Variants in PAPPA2 observed in about 807,000 individuals in gnomAD.
PAPPA2 encodes pappalysin 2, also known as pappalysin-2.
In PAPPA2, 86 loss-of-function variants were observed where a neutral mutation model predicts 176.4. The ratio of observed to expected loss-of-function variants is 0.49; its 90% CI spans 0.41 to 0.58. The LOEUF is 0.58. Among genes scored for constraint, PAPPA2 ranks in the 20% least tolerant of loss-of-function variants. The probability of loss-of-function intolerance (pLI) is 0.00; values close to 1 mark genes in which losing one functional copy is unlikely to be tolerated. For missense variants in PAPPA2, 2,073 were observed against 2,256.9 expected, an observed-to-expected ratio of 0.92 and a Z score of 1.65; for synonymous variants, 809 against 852.2, an observed-to-expected ratio of 0.95 and a Z score of 0.88.
intron 4 of PAPPA2, among the ~76,000 whole-genome samples, chr1:176,679,094 G>C (rs1484326990): frequency 6.6e-6 from 1 of 151,986 alleles, no homozygotes; most frequent in Admixed American, 6.6e-5. Context: ...AGATAGGTTG[G>C]AAACTCCTGC....
intron 21 of PAPPA2, among the ~76,000 whole-genome samples, chr1:176,833,212 A>G (rs1209233148): frequency 1.3e-5 from 2 of 152,188 alleles, no homozygotes; most frequent in Admixed American, 1.3e-4. Flanking sequence ...AACACAGAAG[A>G]TCCTTAACGT....
chr1:176,483,627 C>T (rs368064618), intron 1 of PAPPA2, among the ~76,000 whole-genome samples: 8 of 152,072 alleles, frequency 5.3e-5, no homozygotes, highest in East Asian at 1.9e-4. Flanking sequence ...CCTGCCACCA[C>T]GCCCAGCTAA....
intron 21 of PAPPA2, among the ~76,000 whole-genome samples, chr1:176,809,258 C>G (rs1018814643): frequency 2.0e-5 from 3 of 152,182 alleles, no homozygotes; most frequent in African/African-American, 7.2e-5. Context: ...TCATTATCAT[C>G]TGACTACTAC....
chr1:176,700,126 C>T (rs1462049442), intron 8 of PAPPA2, among the ~76,000 whole-genome samples: 1 of 152,206 alleles, frequency 6.6e-6, no homozygotes, highest in Non-Finnish European at 1.5e-5. Flanking sequence ...TTTTATCTTT[C>T]TCTTCCAGCT....
At chr1:176,744,693 G>A (rs939871706) in intron 14 of PAPPA2, among the ~76,000 whole-genome samples, 3 of 152,180 alleles carry the variant, frequency 2.0e-5, no homozygotes, top group African/African-American at 7.2e-5. Context: ...GCCAGGAAAT[G>A]AAGAAAGAAT....
At chr1:176,636,294 G>A (rs1026888576) in intron 3 of PAPPA2, among the ~76,000 whole-genome samples, 9 of 152,104 alleles carry the variant, frequency 5.9e-5, no homozygotes, top group Non-Finnish European at 1.2e-4. Flanking sequence ...AGAGACTGAG[G>A]CTTGAGAGTC....
intron 3 of PAPPA2, among the ~76,000 whole-genome samples, chr1:176,635,413 T>C (rs1656637875): frequency 6.6e-6 from 1 of 152,206 alleles, no homozygotes; most frequent in African/African-American, 2.4e-5. Context: ...TTGCCCTATA[T>C]CTACCCTCAA....
At chr1:176,746,769 C>G (rs1300957367) in intron 14 of PAPPA2, among the ~76,000 whole-genome samples, 3 of 152,094 alleles carry the variant, frequency 2.0e-5, no homozygotes, top group African/African-American at 7.2e-5. Context: ...TGAACTATAA[C>G]TTATCAAAGC....
rs192417058 is a variant in PAPPA2, at chr1:176,817,357, G to C, written c.5202+17225G>C. On this transcript the variant is annotated intron_variant, in intron 21 of 22. Transcript: ENST00000367662. ...AAAACTGGAGTCTGCAGAGAGTCTTGGGCCAGATTAGGAAGAGTGTTGAAT... is the reference window on the plus strand; with the variant it reads ...AAAACTGGAGTCTGCAGAGAGTCTTCGGCCAGATTAGGAAGAGTGTTGAAT... 2.7e-3 allele frequency among the ~76,000 whole-genome samples: 415 copies of C among 152,220 alleles called. 11 individuals are homozygous for C. The highest frequency in any genetic ancestry group is 1.9e-3 in the East Asian group (10 of 5,180).
chr1:176,552,354 C>G (rs553311938), intron 1 of PAPPA2, among the ~76,000 whole-genome samples: 3 of 149,898 alleles, frequency 2.0e-5, no homozygotes, highest in South Asian at 2.2e-4. Flanking sequence ...TGCTCCCTTC[C>G]CCTTTCCCTC....
intron 2 of PAPPA2, among the ~76,000 whole-genome samples, chr1:176,564,827 T>C (rs554444950): frequency 5.2e-4 from 79 of 152,020 alleles, no homozygotes; most frequent in Non-Finnish European, 7.6e-4. Flanking sequence ...TACAGACTTA[T>C]CTCAACCTAT....
intron 1 of PAPPA2, among the ~76,000 whole-genome samples, chr1:176,530,381 G>C (rs1193520112): frequency 6.6e-6 from 1 of 152,122 alleles, no homozygotes; most frequent in Non-Finnish European, 1.5e-5. Flanking sequence ...CAATGGGACA[G>C]GAACAGTGAG....
At chr1:176,623,025 G>T (rs1655681925) in intron 3 of PAPPA2, among the ~76,000 whole-genome samples, 1 of 152,046 alleles carries the variant, frequency 6.6e-6, no homozygotes, top group Non-Finnish European at 1.5e-5. Context: ...CATAAGGGTG[G>T]TGCCCTCATG....
chr1:176,710,018 G>A lies in PAPPA2; in HGVS notation c.3493G>A (p.Gly1165Ser). Residue 1165 changes from glycine to serine, a missense_variant, in exon 11 of 23, where the codon GGC (glycine) becomes AGC (serine). By Grantham distance (56) the Gly-to-Ser change is moderately conservative. Coordinates refer to ENST00000367662, the MANE Select transcript of PAPPA2 (RefSeq NM_020318.3). ...PSLCYMYEGD[G>S]ICEPFERKTS... ...CCTTTGCTACATGTATGAGGGAGAT[G>A]GCATATGTGAACCTTTTGAGAGAAA... The A allele has an allele frequency of 6.2e-7, 1 of 1,612,110 alleles. No individual in the cohort carries two copies.
chr1:176,512,563 A>T lies in PAPPA2; in HGVS notation c.-916-42844A>T, dbSNP rs145412175. ...CAAGAACAGATACATCTAATTTATA[A>T]CAACATAAAGCAGATCATTGGCCGT... is the stretch of plus-strand genomic sequence containing the variant. On this transcript the variant is annotated intron_variant, in intron 1 of 22. Coordinates refer to ENST00000367662, the MANE Select transcript of PAPPA2 (RefSeq NM_020318.3). 9.7e-4 allele frequency among the ~76,000 whole-genome samples: 148 copies of T among 152,330 alleles called. 2 individuals carry two copies. In the East Asian group the frequency reaches 0.028, roughly 29 times the overall value.
At chr1:176,701,416 T>C (rs549626145) in intron 8 of PAPPA2, among the ~76,000 whole-genome samples, 1 of 152,326 alleles carries the variant, frequency 6.6e-6, no homozygotes, top group African/African-American at 2.4e-5. Context: ...ACTGTCAGCA[T>C]TGATTAGGAT....
chr1:176,586,419 C>A (rs116065593), intron 2 of PAPPA2, among the ~76,000 whole-genome samples: 2,177 of 152,090 alleles, frequency 0.014, 20 homozygotes, highest in Middle Eastern at 0.024. Flanking sequence ...CACCTATTGA[C>A]CCATCCTCTA....
At chr1:176,566,396 C>G (rs184276583) in intron 2 of PAPPA2, among the ~76,000 whole-genome samples, 9 of 152,306 alleles carry the variant, frequency 5.9e-5, no homozygotes, top group Admixed American at 3.3e-4. Flanking sequence ...CCTTTCCTCT[C>G]CTCATTCCCC....
At chr1:176,840,147 G>C (rs1484596892) in intron 21 of PAPPA2, 26 bp from the exon 22 acceptor site, 2 of 1,550,828 alleles carry the variant, frequency 1.3e-6, no homozygotes, top group South Asian at 1.1e-5. Context: ...GCTATACTGA[G>C]ATGTTGCCTT....
Sources: gnomAD v4.1 joint callset for allele counts (sites outside exome capture counted in the v4.1 genomes callset) on GRCh38, gnomAD v4.1.1 for gene constraint, MANE v1.5 for transcripts, NCBI Gene and HGNC (gene_info 2026-07-23, HGNC 2026-07-21) for gene names.